Variants in STRADB observed in about 807,000 individuals in gnomAD.
STRADB encodes the protein STE20-related kinase adapter protein beta.
A neutral mutation model predicts 52.1 loss-of-function variants in STRADB; 34 were observed. The ratio of observed to expected loss-of-function variants is 0.65; its 90% CI spans 0.50 to 0.87. The LOEUF (loss-of-function observed/expected upper bound fraction) is 0.87, where lower values mean the gene tolerates loss of function less well. Among genes scored for constraint, STRADB ranks in the 40% least tolerant of loss-of-function variants. The pLI is 0.00. For synonymous variants in STRADB, 133 were observed against 174.5 expected (o/e 0.76, Z 1.87); for missense variants, 340 against 483.9 (o/e 0.70, Z 2.79).
At chr2:201,468,086 T>C (rs1952331421) in intron 3 of STRADB, among the ~76,000 whole-genome samples, 2 of 43,214 alleles carry the variant, frequency 4.6e-5, no homozygotes, top group East Asian at 3.9e-3. Context: ...TTTTTTTTTC[T>C]TTTTTTTTTT....
In STRADB at chr2:201,453,590, G is replaced by C. The variant is rs144431002; in HGVS notation, c.-95-1156G>C. 2.3e-3 allele frequency among the ~76,000 whole-genome samples: 350 copies of C among 152,258 alleles called. 1 individual carries two copies. The highest frequency in any genetic ancestry group is 7.9e-3 in the African/African-American group (329 of 41,522). On this transcript the variant is annotated intron_variant, in intron 1 of 11. Transcript: ENST00000194530. ...CCGGGGAATTTTACTGGGTCAAAAA[G>C]TATGAATATTTTCATGGTTATTGAA...
At chr2:201,472,513 A>G (rs12991600) in intron 4 of STRADB, among the ~76,000 whole-genome samples, 91,460 of 152,098 alleles carry the variant, frequency 0.6, 27,788 homozygotes, top group Non-Finnish European at 0.66. Context: ...AGAAGTTGAC[A>G]ACTGTGTTCT....
rs1316367886 is a variant in STRADB at position 201,480,763 on chromosome 2, A to G, written c.*588A>G. 1 of 985,464 alleles carries G rather than the reference A, an allele frequency of 1.0e-6. No homozygotes were observed. The highest frequency in any genetic ancestry group is 6.1e-5 in the Admixed American group (1 of 16,276). The allele number at this position is 985,464 out of a possible 1,614,324, so 61.0% of individuals were successfully genotyped here. A position where few individuals can be genotyped will look rare whatever the true frequency, so the allele number is the denominator to read the frequency against. On this transcript the variant is annotated 3_prime_UTR_variant, in exon 12 of 12. Coordinates refer to ENST00000194530, the MANE Select transcript of STRADB (RefSeq NM_018571.6). ...TTGCTTTTTTTTAAACAAGGGGGCT[A>G]AAGTAACACTTTCCTACTTATGTAA...
chr2:201,475,321 GT>G (rs1390393411), intron 6 of STRADB, among the ~76,000 whole-genome samples: 1 of 151,682 alleles, frequency 6.6e-6, no homozygotes, highest in African/African-American at 2.4e-5. Context: ...GACAGCTTTT[GT>G]GAATTGCTTC....
intron 3 of STRADB, among the ~76,000 whole-genome samples, chr2:201,465,980 C>T (rs900943566): frequency 2.0e-5 from 3 of 152,206 alleles, no homozygotes; most frequent in Admixed American, 6.5e-5. Context: ...GACTGTCTTT[C>T]CTACCCTGCT....
At position 201,480,207 on chromosome 2, in the gene STRADB, T is replaced by G. The variant is rs777323046; in HGVS notation, c.*32T>G. The G allele has an allele frequency of 1.2e-6, 2 of 1,603,288 alleles. No homozygotes were observed. The highest frequency in any genetic ancestry group is 1.7e-6 in the Non-Finnish European group (2 of 1,174,382). On this transcript the variant is annotated 3_prime_UTR_variant, in exon 12 of 12. Coordinates refer to ENST00000194530, the MANE Select transcript of STRADB (RefSeq NM_018571.6). ...CAAATCATTTTATGTCCTATATACT[T>G]GACACTTTCTCCTTGCTGCTTTTTC...
intron 3 of STRADB, among the ~76,000 whole-genome samples, chr2:201,461,373 A>G (rs1005015497): frequency 2.0e-5 from 3 of 151,998 alleles, no homozygotes; most frequent in Non-Finnish European, 4.4e-5. Flanking sequence ...AGGTCTCACT[A>G]TGTTGACCAG....
chr2:201,452,106 C>T (rs1054647423), intron 1 of STRADB, among the ~76,000 whole-genome samples, 168 bp downstream of exon 1: 3 of 152,010 alleles, frequency 2.0e-5, no homozygotes, highest in Non-Finnish European at 4.4e-5. Flanking sequence ...AAGAATGCGG[C>T]CCGAGGTGGC....
chr2:201,454,811 G>A lies in STRADB; in HGVS notation c.-30G>A. 1 of 1,598,666 alleles carries A rather than the reference G, an allele frequency of 6.3e-7. No individual in the cohort carries two copies. Among genetic ancestry groups the A allele is most frequent in the Non-Finnish European group, 8.5e-7 (1 of 1,173,270 alleles). ...CCTTCTTTGGAATAGATGGATTTTT[G>A]TCACTTTCTGTGTGAACTAAAGTGA... On this transcript the variant is annotated 5_prime_UTR_variant, in exon 2 of 12. Transcript: ENST00000194530.
At position 201,480,427 on chromosome 2, in the gene STRADB, A is replaced by G; in HGVS notation, c.*252A>G. 8.2e-7 allele frequency: 1 copy of G among 1,220,434 alleles called. No homozygotes were observed. Among genetic ancestry groups the G allele is most frequent in the Non-Finnish European group, 1.0e-6 (1 of 978,074 alleles). The allele number at this position is 1,220,434 out of a possible 1,614,324, so 75.6% of individuals were successfully genotyped here. On this transcript the variant is annotated 3_prime_UTR_variant, in exon 12 of 12. Transcript: ENST00000194530. ...GTCATTTATTCTGGAATTTTTTTCT[A>G]AGCTGTGACTAACTCTTTTTATCTC...
chr2:201,462,751 G>T (rs1300599282), intron 3 of STRADB, among the ~76,000 whole-genome samples: 18 of 152,046 alleles, frequency 1.2e-4, no homozygotes, highest in Non-Finnish European at 1.0e-4. Flanking sequence ...TTTTGAAAAG[G>T]TATTGCAGTT....
At chr2:201,468,085 CT>C (rs536551120) in intron 3 of STRADB, among the ~76,000 whole-genome samples, 6,258 of 71,056 alleles carry the variant, frequency 0.088, 207 homozygotes, top group South Asian at 0.29. Flanking sequence ...TTTTTTTTTT[CT>C]TTTTTTTTTT....
At chr2:201,459,625 A>G (rs1952182144) in intron 3 of STRADB, among the ~76,000 whole-genome samples, 1 of 152,154 alleles carries the variant, frequency 6.6e-6, no homozygotes, top group Non-Finnish European at 1.5e-5. Context: ...GGGCTCTTGC[A>G]GGTGGACTCC....
At chr2:201,468,085 C>CTTT (rs536551120) in intron 3 of STRADB, among the ~76,000 whole-genome samples, 24 of 71,034 alleles carry the variant, frequency 3.4e-4, no homozygotes, top group African/African-American at 4.4e-4. Flanking sequence ...TTTTTTTTTT[C>CTTT]TTTTTTTTTT....
intron 8 of STRADB, 142 bp from the exon 9 acceptor site, chr2:201,477,945 C>A: frequency 2.6e-6 from 3 of 1,160,224 alleles, no homozygotes; most frequent in South Asian, 1.6e-5. Context: ...AATTAAATAC[C>A]ATATATGAAG....
chr2:201,468,783 A>C (rs1952345150), intron 3 of STRADB, among the ~76,000 whole-genome samples: 1 of 152,120 alleles, frequency 6.6e-6, no homozygotes, highest in Non-Finnish European at 1.5e-5. Context: ...ATATCACTTA[A>C]AAAATTTTTA....
intron 11 of STRADB, 143 bp downstream of exon 11, chr2:201,479,674 CTT>C (rs1250084133): frequency 2.4e-6 from 2 of 842,648 alleles, no homozygotes; most frequent in African/African-American, 1.7e-5. Flanking sequence ...AACAAGAAAA[CTT>C]TTGGTAGTTC....
chr2:201,478,672 C>A, intron 10 of STRADB, 71 bp downstream of exon 10: 1 of 1,500,012 alleles, frequency 6.7e-7, no homozygotes. Flanking sequence ...TGTAACATTG[C>A]CCTTCCAGGA....
At chr2:201,460,041 C>G (rs1952189916) in intron 3 of STRADB, among the ~76,000 whole-genome samples, 1 of 152,074 alleles carries the variant, frequency 6.6e-6, no homozygotes. Context: ...GCATTTTTTA[C>G]TACAGAATGG....
Sources: gnomAD v4.1 joint callset for allele counts (sites outside exome capture counted in the v4.1 genomes callset) on GRCh38, gnomAD v4.1.1 for gene constraint, MANE v1.5 for transcripts, NCBI Gene and HGNC (gene_info 2026-07-23, HGNC 2026-07-21) for gene names.